The following ARIH1 variants were observed in gnomAD, a reference collection of about 807,000 sequenced individuals.
The protein encoded by ARIH1 is E3 ubiquitin-protein ligase ARIH1.
Under a neutral mutation model 85.0 loss-of-function variants are expected in ARIH1, and 8 were observed. The ratio of observed to expected loss-of-function variants is 0.09; its 90% confidence interval spans 0.06 to 0.17. The LOEUF is 0.17. ARIH1 is among the 10% of genes least tolerant of loss of function. The pLI, the probability that ARIH1 is intolerant of heterozygous loss-of-function variation, is 1.00. For synonymous variants in ARIH1, 238 were observed against 253.6 expected (o/e 0.94, Z 0.59); for missense variants, 311 against 718.1 (o/e 0.43, Z 6.48).
intron 3 of ARIH1, among the ~76,000 whole-genome samples, chr15:72,545,807 C>T (rs569381459): frequency 7.9e-5 from 12 of 152,266 alleles, no homozygotes; most frequent in Admixed American, 2.0e-4. Flanking sequence ...CCAGCCTGGG[C>T]GACAGAGTGA....
intron 1 of ARIH1, among the ~76,000 whole-genome samples, chr15:72,498,337 A>T (rs2063888496): frequency 1.3e-5 from 2 of 152,206 alleles, no homozygotes; most frequent in Admixed American, 1.3e-4. Context: ...TTCCTTTAGC[A>T]GTACACTATA....
chr15:72,477,169 A>C lies in ARIH1; in HGVS notation c.375+2155A>C, dbSNP rs181940946. 1.0e-3 allele frequency among the ~76,000 whole-genome samples: 153 copies of C among 152,296 alleles called. 3 individuals are homozygous for C. The highest frequency in any genetic ancestry group is 3.4e-3 in the African/African-American group (142 of 41,554). The stretch of plus-strand genomic sequence containing the variant: ...AACCAGTGTTTGATGGGCAAAAAAA[A>C]CCTGGTGAGATTGAATTTATGTTTA... On this transcript the variant is annotated intron_variant, in intron 1 of 13. Coordinates refer to ENST00000379887, the MANE Select transcript of ARIH1 (RefSeq NM_005744.5).
rs890411905 is a variant in ARIH1, at chr15:72,523,530, TGGG to T, written c.443+5397_443+5399del. ...TCAACAGCACAGTTTTTTTTTTTTT[TGGG>T]TGGGTGGGGGCCTAAACTATTTTGT... is the stretch of plus-strand genomic sequence containing the variant. On this transcript the variant is annotated intron_variant, in intron 2 of 13. Transcript: ENST00000379887. Among the ~76,000 whole-genome samples, 171 of 149,968 alleles carry T rather than the reference TGGG, an allele frequency of 1.1e-3. 1 individual carries two copies. Among genetic ancestry groups the T allele is most frequent in the Non-Finnish European group, 6.4e-4 (43 of 67,304 alleles).
At chr15:72,495,991 G>A (rs1410622092) in intron 1 of ARIH1, among the ~76,000 whole-genome samples, 3 of 152,066 alleles carry the variant, frequency 2.0e-5, no homozygotes, top group African/African-American at 7.2e-5. Flanking sequence ...GCTCACCGCA[G>A]CCTTCAACTC....
chr15:72,523,649 A>G (rs2064010799), intron 2 of ARIH1, among the ~76,000 whole-genome samples: 1 of 152,032 alleles, frequency 6.6e-6, no homozygotes, highest in South Asian at 2.1e-4. Context: ...TGTAAACTAC[A>G]GACTTTGGGT....
In ARIH1 at chr15:72,599,594, C is replaced by T. The variant is rs1595879473; in HGVS notation, c.*16302C>T. 1 of 152,100 alleles carries T rather than the reference C, an allele frequency of 6.6e-6. No individual in the cohort carries two copies. The highest frequency in any genetic ancestry group is 2.4e-5 in the African/African-American group (1 of 41,404). 9.4% of individuals were successfully genotyped at this position (152,100 alleles called of 1,614,324 possible). On this transcript the variant is annotated 3_prime_UTR_variant, in exon 14 of 14. Coordinates refer to ENST00000379887, the MANE Select transcript of ARIH1 (RefSeq NM_005744.5). ...GTCTCAAACTCCTGGCCTCCTACCT[C>T]GACTTCTCATAGTTCTGGCGTGAGC...
Position 72,540,258 on chromosome 15 carries a change from CAAAA to C in ARIH1, c.444-4541_444-4538del, listed in dbSNP as rs10615863. Among the ~76,000 whole-genome samples, 123 of 81,362 alleles carry C rather than the reference CAAAA, an allele frequency of 1.5e-3. 1 individual carries two copies. Among genetic ancestry groups the C allele is most frequent in the Middle Eastern group, 6.2e-3 (1 of 162 alleles). The allele number at this position is 81,362 out of a possible 152,430, so 53.4% of individuals were successfully genotyped here. On this transcript the variant is annotated intron_variant, in intron 2 of 13. Coordinates refer to ENST00000379887, the MANE Select transcript of ARIH1 (RefSeq NM_005744.5). ...GGGTGACAAGAGCGAGACTTTGTCTCAAAAAAAAAAAAAAAAAAAAAAAATTAGT... is the reference window on the plus strand; with the variant it reads ...GGGTGACAAGAGCGAGACTTTGTCTCAAAAAAAAAAAAAAAAAAAATTAGT...
At chr15:72,476,647 C>T (rs535759431) in intron 1 of ARIH1, among the ~76,000 whole-genome samples, 6 of 152,318 alleles carry the variant, frequency 3.9e-5, no homozygotes, top group Non-Finnish European at 7.3e-5. Context: ...CAGGCGTCAG[C>T]CACCGTGCCC....
chr15:72,480,031 C>A (rs2063809412), intron 1 of ARIH1, among the ~76,000 whole-genome samples: 1 of 151,956 alleles, frequency 6.6e-6, no homozygotes. Flanking sequence ...CCATGCCTGG[C>A]TAATTTTTTT....
At chr15:72,480,121 G>A (rs989278190) in intron 1 of ARIH1, among the ~76,000 whole-genome samples, 1 of 151,976 alleles carries the variant, frequency 6.6e-6, no homozygotes. Context: ...CGCCCACCTC[G>A]GCCTGCCAAA....
intron 2 of ARIH1, among the ~76,000 whole-genome samples, chr15:72,521,876 C>T (rs950651627): frequency 1.3e-5 from 2 of 152,150 alleles, no homozygotes; most frequent in African/African-American, 4.8e-5. Context: ...AAAAATACTT[C>T]TTCTGTATTC....
chr15:72,570,426 G>A (rs1301966455), intron 10 of ARIH1, 119 bp downstream of exon 10: 2 of 1,242,448 alleles, frequency 1.6e-6, no homozygotes, highest in African/African-American at 1.5e-5. Flanking sequence ...AATACATAGT[G>A]TGTGATTAAT....
rs751265514 is a variant in ARIH1, at chr15:72,596,376, G to T, written c.*13084G>T. 4 of 152,092 alleles carry T rather than the reference G, an allele frequency of 2.6e-5. No individual in the cohort carries two copies. Among genetic ancestry groups the T allele is most frequent in the Admixed American group, 6.6e-5 (1 of 15,266 alleles). 9.4% of individuals were successfully genotyped at this position (152,092 alleles called of 1,614,324 possible). ...TAATGTGTGGTTGTTCTCAATGGCTGCATCTGTGCATTATATTTACTTTTC... is the reference window on the plus strand; with the variant it reads ...TAATGTGTGGTTGTTCTCAATGGCTTCATCTGTGCATTATATTTACTTTTC... On this transcript the variant is annotated 3_prime_UTR_variant, in exon 14 of 14. Coordinates refer to ENST00000379887, the MANE Select transcript of ARIH1 (RefSeq NM_005744.5).
In ARIH1 at chr15:72,474,474, G is replaced by T. The variant is rs1351505644; in HGVS notation, c.-166G>T. On this transcript the variant is annotated 5_prime_UTR_variant, in exon 1 of 14. Coordinates refer to ENST00000379887, the MANE Select transcript of ARIH1 (RefSeq NM_005744.5). ...CTCCGCGCCCTCCCCGCCGCCACCA[G>T]CCGTCAAACGCCAACCGCCGCTCCT... The T allele has an allele frequency of 5.6e-6, 5 of 900,214 alleles. No homozygotes were observed. Among genetic ancestry groups the T allele is most frequent in the Non-Finnish European group, 8.0e-6 (5 of 628,552 alleles). The allele number at this position is 900,214 out of a possible 1,614,324, so 55.8% of individuals were successfully genotyped here.
In ARIH1 at chr15:72,582,058, T is replaced by C; in HGVS notation, c.1477-17T>C. The C allele has an allele frequency of 6.4e-7, 1 of 1,572,656 alleles. No homozygotes were observed. The highest frequency in any genetic ancestry group is 8.7e-7 in the Non-Finnish European group (1 of 1,151,272). ...GCTTTATTTTGAAGCCAAAATTTAC[T>C]TTCATTCTTCTTACAGAATAACCAA... On this transcript the variant is annotated splice_polypyrimidine_tract_variant and intron_variant, in intron 12 of 13. Transcript: ENST00000379887. The surrounding 1 kb of genome is among the most constrained non-coding windows in gnomAD (Gnocchi z 4.6).
rs2064378485 is a variant in ARIH1, at chr15:72,600,413, TCA to T, written c.*17123_*17124del. On this transcript the variant is annotated 3_prime_UTR_variant, in exon 14 of 14. Coordinates refer to ENST00000379887, the MANE Select transcript of ARIH1 (RefSeq NM_005744.5). The stretch of plus-strand genomic sequence containing the variant: ...TTGTTTGTTTGTTTTACAGTGGATC[TCA>T]CTCTGTCACCCAGGCTGGAGTTCAG... The T allele has an allele frequency of 1.3e-5, 2 of 152,234 alleles. No homozygotes were observed. The highest frequency in any genetic ancestry group is 2.9e-5 in the Non-Finnish European group (2 of 68,042). 9.4% of individuals were successfully genotyped at this position (152,234 alleles called of 1,614,324 possible).
Position 72,585,892 on chromosome 15 carries a change from C to A in ARIH1, c.*2600C>A, listed in dbSNP as rs1483150524. 2 of 152,212 alleles carry A rather than the reference C, an allele frequency of 1.3e-5. No homozygotes were observed. Among genetic ancestry groups the A allele is most frequent in the South Asian group, 4.1e-4 (2 of 4,830 alleles). The allele number at this position is 152,212 out of a possible 1,614,324, so 9.4% of individuals were successfully genotyped here. A position where few individuals can be genotyped will look rare whatever the true frequency, so the allele number is the denominator to read the frequency against. ...GCAAGCCATGACAGCTTCCCTGTTTCACCTACAGAAGTCTTATCTGAGGGA... is the reference window on the plus strand; with the variant it reads ...GCAAGCCATGACAGCTTCCCTGTTTAACCTACAGAAGTCTTATCTGAGGGA... On this transcript the variant is annotated 3_prime_UTR_variant, in exon 14 of 14. Coordinates refer to ENST00000379887, the MANE Select transcript of ARIH1 (RefSeq NM_005744.5).
chr15:72,539,940 C>T (rs969654464), intron 2 of ARIH1, among the ~76,000 whole-genome samples: 1 of 152,102 alleles, frequency 6.6e-6, no homozygotes, highest in Non-Finnish European at 1.5e-5. Context: ...AAACAGTTAT[C>T]ATTCTTGAAA....
At chr15:72,543,089 C>T (rs771393910) in intron 2 of ARIH1, among the ~76,000 whole-genome samples, 3 of 151,826 alleles carry the variant, frequency 2.0e-5, no homozygotes, top group East Asian at 3.9e-4. Context: ...CCTGCCACCG[C>T]GCCCAGCTAA....
Sources: gnomAD v4.1 joint callset for allele counts (sites outside exome capture counted in the v4.1 genomes callset) on GRCh38, gnomAD v4.1.1 for gene constraint, Gnocchi (gnomAD v3.1) non-coding constraint, MANE v1.5 for transcripts, NCBI Gene and HGNC (gene_info 2026-07-23, HGNC 2026-07-21) for gene names.